GREB1: variants seen among roughly 807,000 people sequenced by gnomAD.
GREB1 encodes the protein protein GREB1.
GREB1 carries 106 observed loss-of-function variants against 200.7 expected under a neutral mutation model. The ratio of observed to expected loss-of-function variants is 0.53; its 90% CI spans 0.45 to 0.62. The LOEUF is 0.62. Ranked by LOEUF, GREB1 falls within the 20% of genes least tolerant of loss-of-function variation. The probability of loss-of-function intolerance (pLI) is 0.00; values close to 1 mark genes in which losing one functional copy is unlikely to be tolerated. For missense variants in GREB1, 2,243 were observed against 2,556.8 expected (o/e 0.88, Z 2.65); for synonymous variants, 1,132 against 1,092.4 (o/e 1.04, Z -0.72).
chr2:11,541,504 C>A (rs1412985378), intron 1 of GREB1, among the ~76,000 whole-genome samples: 4 of 152,092 alleles, frequency 2.6e-5, no homozygotes, highest in Non-Finnish European at 5.9e-5. Context: ...TCTCTTCAGA[C>A]CCCCATGCAC....
chr2:11,507,841 A>G (rs1294110683), intron 1 of GREB1, among the ~76,000 whole-genome samples: 1 of 152,162 alleles, frequency 6.6e-6, no homozygotes, highest in Non-Finnish European at 1.5e-5. Flanking sequence ...TGCTGCTGTC[A>G]CCACATAGGC....
intron 1 of GREB1, among the ~76,000 whole-genome samples, chr2:11,517,037 T>A (rs2148462769): frequency 6.6e-6 from 1 of 152,336 alleles, no homozygotes; most frequent in South Asian, 2.1e-4. Context: ...CTGCTTATTA[T>A]TCCAGTGGCT....
chr2:11,620,898 T>C lies in GREB1; in HGVS notation c.4045-7T>C. ...CACTGGGGGTTTTAACTCCTATACC[T>C]TTACAGATCGGGAAGACAGGTGCCT... On this transcript the variant is annotated splice_region_variant and splice_polypyrimidine_tract_variant and intron_variant, in intron 22 of 32. Transcript: ENST00000381486. 1 of 1,584,434 alleles carries C rather than the reference T, an allele frequency of 6.3e-7. No individual in the cohort carries two copies.
intron 23 of GREB1, among the ~76,000 whole-genome samples, chr2:11,624,308 C>G (rs4668734): frequency 0.29 from 43,896 of 150,508 alleles, 6,971 homozygotes; most frequent in East Asian, 0.39. Context: ...CCATATTTCC[C>G]CCATGCCTTT....
At chr2:11,632,848 G>A (rs577805267) in intron 27 of GREB1, 41 bp from the exon 28 acceptor site, 1 of 1,582,724 alleles carries the variant, frequency 6.3e-7, no homozygotes, top group Admixed American at 1.7e-5. Flanking sequence ...GTGGGTGTGG[G>A]TGCAGGTCAG....
intron 1 of GREB1, among the ~76,000 whole-genome samples, chr2:11,551,399 C>A (rs534922004): frequency 2.6e-5 from 4 of 152,272 alleles, no homozygotes; most frequent in African/African-American, 9.6e-5. Context: ...CTCCTGCCTG[C>A]AGGTCTTCCC....
chr2:11,551,124 C>G (rs974162), intron 1 of GREB1, among the ~76,000 whole-genome samples: 16,344 of 152,208 alleles, frequency 0.11, 2,461 homozygotes, highest in African/African-American at 0.33. Flanking sequence ...TGACCTGGGT[C>G]AGTTGGCTTC....
chr2:11,565,598 A>G (rs6432218), intron 3 of GREB1, among the ~76,000 whole-genome samples: 21,415 of 152,032 alleles, frequency 0.14, 3,162 homozygotes, highest in African/African-American at 0.37. Flanking sequence ...CTGGCTCTCT[A>G]TTTTACCTTT....
intron 6 of GREB1, among the ~76,000 whole-genome samples, chr2:11,579,026 T>C (rs1195886916): frequency 1.3e-5 from 2 of 152,164 alleles, no homozygotes; most frequent in Admixed American, 6.5e-5. Context: ...ACAGACTTCC[T>C]AAGCATGGCG....
Position 11,492,882 on chromosome 2 carries a change from TG to T in GREB1, c.-159+10506del, listed in dbSNP as rs766610073. ...CCTAGGAAAATGGCTCCTTATCTGCTGGGGGCTGGTCACAGCTGGAGCAGAG... is the reference window on the plus strand; with the variant it reads ...CCTAGGAAAATGGCTCCTTATCTGCTGGGGCTGGTCACAGCTGGAGCAGAG... On this transcript the variant is annotated intron_variant, in intron 1 of 2. Coordinates refer to the GREB1 transcript ENST00000628795. This position sits in a 1 kb window ranked among gnomAD's most constrained non-coding sequence, Gnocchi z 4.0. Among the ~76,000 whole-genome samples, 1 of 152,070 alleles carries T rather than the reference TG, an allele frequency of 6.6e-6. No homozygotes were observed. The highest frequency in any genetic ancestry group is 2.4e-5 in the African/African-American group (1 of 41,418).
At chr2:11,503,383 T>A (rs994644603) in intron 1 of GREB1, among the ~76,000 whole-genome samples, 5 of 152,228 alleles carry the variant, frequency 3.3e-5, no homozygotes, top group Admixed American at 1.3e-4. Context: ...CTTTGGTATT[T>A]GGTAGTGTGA....
chr2:11,483,044 G>T (rs1256625210), intron 1 of GREB1, among the ~76,000 whole-genome samples: 1 of 151,624 alleles, frequency 6.6e-6, no homozygotes, highest in Non-Finnish European at 1.5e-5. Context: ...GGCACTCGGC[G>T]CCCGGCGGGG....
intron 19 of GREB1, among the ~76,000 whole-genome samples, chr2:11,613,406 T>C (rs1356123043): frequency 6.6e-6 from 1 of 152,204 alleles, no homozygotes; most frequent in Non-Finnish European, 1.5e-5. Context: ...TAGATTCTTC[T>C]TTTAGGTTTT....
intron 1 of GREB1, among the ~76,000 whole-genome samples, chr2:11,542,006 C>T (rs1448732172): frequency 6.6e-6 from 1 of 152,070 alleles, no homozygotes; most frequent in Non-Finnish European, 1.5e-5. Context: ...ATTCCCTTCT[C>T]TGTTTCCCTC....
At chr2:11,523,042 C>T (rs1025628252) in intron 1 of GREB1, among the ~76,000 whole-genome samples, 4 of 152,186 alleles carry the variant, frequency 2.6e-5, no homozygotes, top group African/African-American at 9.7e-5. Context: ...GAATACTATG[C>T]AGCCATAAAA....
In GREB1 at chr2:11,629,648, G is replaced by A. The variant is rs4669757; in HGVS notation, c.4450-300G>A. ...GTTGGTGACCCAGAACAGGGCTCTGGTCAGGTTCAAAGCCACGGGGACCAG... is the reference window on the plus strand; with the variant it reads ...GTTGGTGACCCAGAACAGGGCTCTGATCAGGTTCAAAGCCACGGGGACCAG... On this transcript the variant is annotated intron_variant, in intron 25 of 32. Coordinates refer to ENST00000381486, the MANE Select transcript of GREB1 (RefSeq NM_014668.4). The surrounding 1 kb of genome is among the most constrained non-coding windows in gnomAD (Gnocchi z 5.2). Among the ~76,000 whole-genome samples, 24,231 of 152,210 alleles carry A rather than the reference G, an allele frequency of 0.16. 2,272 individuals are homozygous for A. The highest frequency in any genetic ancestry group is 0.24 in the Middle Eastern group (71 of 294).
chr2:11,602,200 G>A (rs1294560348), intron 16 of GREB1, among the ~76,000 whole-genome samples: 2 of 152,174 alleles, frequency 1.3e-5, no homozygotes, highest in African/African-American at 4.8e-5. Context: ...CTGAGCAATG[G>A]GGACACACCA....
intron 1 of GREB1, chr2:11,542,903 A>G (rs1674899549): frequency 6.6e-6 from 1 of 152,472 alleles, no homozygotes; most frequent in Admixed American, 6.5e-5. Context: ...AGGGGCCTAA[A>G]TTAAAGCCGC....
In GREB1 at chr2:11,562,342, G is replaced by T. The variant is rs1377086305; in HGVS notation, c.158-121G>T. ...TTAAGGATGGGTGGAACCCATTCTGGATTAGTCCCATAGGTCCTGGGCTTG... is the reference window on the plus strand; with the variant it reads ...TTAAGGATGGGTGGAACCCATTCTGTATTAGTCCCATAGGTCCTGGGCTTG... On this transcript the variant is annotated intron_variant, in intron 2 of 32. Coordinates refer to ENST00000381486, the MANE Select transcript of GREB1 (RefSeq NM_014668.4). 6.1e-6 allele frequency: 8 copies of T among 1,315,160 alleles called. No homozygotes were observed. In the Admixed American group the frequency reaches 1.1e-4, roughly 18 times the overall value. 81.5% of individuals were successfully genotyped at this position (1,315,160 alleles called of 1,614,324 possible). A position where few individuals can be genotyped will look rare whatever the true frequency, so the allele number is the denominator to read the frequency against.
Sources: gnomAD v4.1 joint callset for allele counts (sites outside exome capture counted in the v4.1 genomes callset) on GRCh38, gnomAD v4.1.1 for gene constraint, Gnocchi (gnomAD v3.1) non-coding constraint, MANE v1.5 for transcripts, NCBI Gene and HGNC (gene_info 2026-07-23, HGNC 2026-07-21) for gene names.